Variants in TMEM67 observed in about 807,000 individuals in gnomAD.
The protein encoded by TMEM67 is meckelin.
In TMEM67, 124 loss-of-function variants were observed where a neutral mutation model predicts 136.6. The observed-to-expected ratio is 0.91, with a 90% confidence interval of 0.78 to 1.05. The LOEUF (loss-of-function observed/expected upper bound fraction) is 1.05. TMEM67 is among the 50% of genes least tolerant of loss of function. The probability of loss-of-function intolerance (pLI) is 0.00; values close to 1 mark genes in which losing one functional copy is unlikely to be tolerated. For synonymous variants in TMEM67, 364 were observed against 390.5 expected, an observed-to-expected ratio of 0.93 and a Z score of 0.80; for missense variants, 1,107 against 1,178.4, an observed-to-expected ratio of 0.94 and a Z score of 0.89.
At chr8:93,761,043 G>T (rs909827392) in intron 3 of TMEM67, among the ~76,000 whole-genome samples, 5 of 152,136 alleles carry the variant, frequency 3.3e-5, no homozygotes, top group Admixed American at 1.3e-4. Context: ...GGGCACAGTG[G>T]CTCACGCTTG....
chr8:93,804,724 T>G (rs2130763337), intron 22 of TMEM67, 38 bp from the exon 23 acceptor site: 47 of 1,133,034 alleles, frequency 4.1e-5, no homozygotes, highest in Middle Eastern at 2.1e-4. Flanking sequence ...GTTTTGCAGA[T>G]GAGTTGCTAT....
At chr8:93,779,569 C>G (rs1009295407) in intron 7 of TMEM67, among the ~76,000 whole-genome samples, 1 of 152,094 alleles carries the variant, frequency 6.6e-6, no homozygotes, top group African/African-American at 2.4e-5. Flanking sequence ...ATGTGGATGT[C>G]CTTTTTGTTG....
intron 4 of TMEM67, among the ~76,000 whole-genome samples, chr8:93,764,774 C>G (rs927759043): frequency 7.2e-5 from 11 of 152,176 alleles, no homozygotes; most frequent in Middle Eastern, 3.4e-3. Context: ...TTCCCCAAGC[C>G]TAGTGTGTTT....
intron 7 of TMEM67, among the ~76,000 whole-genome samples, chr8:93,776,747 G>C (rs1035642309): frequency 2.6e-5 from 4 of 152,138 alleles, no homozygotes; most frequent in Non-Finnish European, 5.9e-5. Context: ...TGCTGGATTT[G>C]GTTTGCCAGT....
chr8:93,809,145 G>C lies in TMEM67; in HGVS notation c.2645G>C (p.Gly882Ala). The change falls in exon 25 of 28, where the codon GGC becomes GCC. Residue 882 changes from glycine (G) to alanine (A), a missense_variant. By Grantham distance (60) the Gly-to-Ala change is moderately conservative. Transcript: ENST00000453321. Reference sequence around the variant, plus strand: ...TATCATATGATGAATAAATTTCTTGGCTCCTTCATTGACCATGTATGTATG... The same window carrying C: ...TATCATATGATGAATAAATTTCTTGCCTCCTTCATTGACCATGTATGTATG... ...KAYHMMNKFL[G>A]SFIDHVHKEM... 1.3e-6 allele frequency: 2 copies of C among 1,590,758 alleles called. No individual in the cohort carries two copies. The highest frequency in any genetic ancestry group is 2.7e-5 in the African/African-American group (2 of 74,580).
At chr8:93,785,163 A>T in intron 11 of TMEM67, 59 bp from the exon 12 acceptor site, 1 of 952,138 alleles carries the variant, frequency 1.1e-6, no homozygotes, top group Non-Finnish European at 1.7e-6. Flanking sequence ...TTTATTTTTT[A>T]CTTTTTAGTA....
the TMEM67 span, among the ~76,000 whole-genome samples, chr8:93,824,399 G>T: frequency 4.3e-4 from 65 of 152,248 alleles, no homozygotes; most frequent in East Asian, 1.2e-3. Flanking sequence ...GAACATTTTA[G>T]CTTTAACTCC....
rs1808875925 is a variant in TMEM67, at chr8:93,815,589, A to C, written c.2907+142A>C. 3 of 758,498 alleles carry C rather than the reference A, an allele frequency of 4.0e-6. 1 individual carries two copies. The South Asian group carries it at 5.3e-5, about 13-fold the overall frequency. 47.0% of individuals were successfully genotyped at this position (758,498 alleles called of 1,614,324 possible). On this transcript the variant is annotated intron_variant, in intron 27 of 27. Coordinates refer to ENST00000453321, the MANE Select transcript of TMEM67 (RefSeq NM_153704.6). The stretch of plus-strand genomic sequence containing the variant: ...GTTTAGAATATGACTAACCCCACCA[A>C]AAGAAGGAATAACATTTCAACCAAC...
At chr8:93,763,800 TTAC>T in intron 3 of TMEM67, 39 bp from the exon 4 acceptor site, 1 of 1,318,512 alleles carries the variant, frequency 7.6e-7, no homozygotes, top group Non-Finnish European at 1.1e-6. Context: ...GCTTATATGT[TTAC>T]TATGAGTTAC....
chr8:93,821,073 CAT>C (rs969750267), downstream of TMEM67, among the ~76,000 whole-genome samples: 22 of 152,078 alleles, frequency 1.4e-4, no homozygotes, highest in African/African-American at 5.3e-4. Context: ...TATACACACA[CAT>C]GACAAGGGTA....
intron 20 of TMEM67, 86 bp downstream of exon 20, chr8:93,797,556 CAG>C: frequency 7.7e-7 from 1 of 1,300,472 alleles, no homozygotes; most frequent in South Asian, 1.3e-5. Context: ...GTTTTCATGA[CAG>C]TGGAAGATTT....
rs1814658020 is a variant in TMEM67 at position 93,797,198 on chromosome 8, A to G, written c.1925A>G (p.Glu642Gly). The G allele has an allele frequency of 6.2e-7, 1 of 1,613,336 alleles. No homozygotes were observed. The highest frequency in any genetic ancestry group is 1.1e-5 in the South Asian group (1 of 91,070). Residue 642 changes from glutamate (E) to glycine (G), a missense_variant, in exon 19 of 28, where the codon GAG (glutamate) becomes GGG (glycine). Transcript: ENST00000453321. ...ATAGATGTATTCTTTATTGATTGGG[A>G]GCGACCTAAAGGAAAGGTTCTTAAA... is the stretch of plus-strand genomic sequence containing the variant. ...ITIDVFFIDW[E>G]RPKGKVLKAV...
chr8:93,827,978 T>C, the TMEM67 span, among the ~76,000 whole-genome samples: 6 of 152,124 alleles, frequency 3.9e-5, no homozygotes, highest in African/African-American at 1.4e-4. Flanking sequence ...TGGAATGTGT[T>C]CATGATGCCT....
the TMEM67 span, among the ~76,000 whole-genome samples, chr8:93,827,874 G>A: frequency 6.6e-6 from 1 of 151,948 alleles, no homozygotes; most frequent in Non-Finnish European, 1.5e-5. Context: ...GCAAGCAGAA[G>A]TCTGCTGATG....
intron 15 of TMEM67, among the ~76,000 whole-genome samples, 178 bp from the exon 16 acceptor site, chr8:93,793,020 C>G (rs887521393): frequency 6.6e-6 from 1 of 151,894 alleles, no homozygotes; most frequent in Non-Finnish European, 1.5e-5. Context: ...ATCCGCCTGC[C>G]TCGGCCTCCC....
At chr8:93,757,985 G>A (rs1812657875) in intron 2 of TMEM67, among the ~76,000 whole-genome samples, 2 of 152,110 alleles carry the variant, frequency 1.3e-5, no homozygotes, top group Admixed American at 1.3e-4. Flanking sequence ...TCAAGCTTTG[G>A]CCTCAAGTGA....
intron 4 of TMEM67, 30 bp downstream of exon 4, chr8:93,763,971 T>G (rs1419949938): frequency 7.7e-7 from 1 of 1,296,384 alleles, no homozygotes; most frequent in Non-Finnish European, 1.1e-6. Flanking sequence ...CTAACTTCAT[T>G]AATATCATCT....
chr8:93,818,408 G>A (rs1234352045), downstream of TMEM67, among the ~76,000 whole-genome samples: 4 of 152,202 alleles, frequency 2.6e-5, no homozygotes, highest in Admixed American at 6.5e-5. Context: ...TCTGTTATGG[G>A]AGATTTGTAA....
At chr8:93,791,785 AAAAAT>A (rs1814387028) in intron 15 of TMEM67, 1 of 152,902 alleles carries the variant, frequency 6.5e-6, no homozygotes. Context: ...AATAATAAAT[AAAAAT>A]AAGTATCTCA....
Sources: gnomAD v4.1 joint callset for allele counts (sites outside exome capture counted in the v4.1 genomes callset) on GRCh38, gnomAD v4.1.1 for gene constraint, MANE v1.5 for transcripts, NCBI Gene and HGNC (gene_info 2026-07-23, HGNC 2026-07-21) for gene names.